POM121C: variants seen among roughly 807,000 people sequenced by gnomAD.
The protein encoded by POM121C is POM121 transmembrane nucleoporin C.
A neutral mutation model predicts 66.4 loss-of-function variants in POM121C; 20 were observed. The observed-to-expected ratio is 0.30, with a 90% CI of 0.21 to 0.44. The LOEUF (loss-of-function observed/expected upper bound fraction) is 0.44. Ranked by LOEUF, POM121C falls within the 20% of genes least tolerant of loss-of-function variation. The probability of loss-of-function intolerance (pLI) is 1.00; values close to 1 mark genes in which losing one functional copy is unlikely to be tolerated. For missense variants in POM121C, 580 were observed against 1,225.7 expected (o/e 0.47, Z 7.87); for synonymous variants, 286 against 528.0 (o/e 0.54, Z 6.28).
At chr7:75,437,919 G>C (rs1214064570) in intron 6 of POM121C, among the ~76,000 whole-genome samples, 1 of 152,172 alleles carries the variant, frequency 6.6e-6, no homozygotes, top group Non-Finnish European at 1.5e-5. Context: ...CCTATCTACA[G>C]TGACAGAAGA....
In POM121C at chr7:75,418,842, G is replaced by A. The variant is rs1236113744; in HGVS notation, c.2918C>T (p.Ala973Val). Reference protein sequence around the residue: ...SIGAGSKTPGARQRLQARRQH... With the variant: ...SIGAGSKTPGVRQRLQARRQH... ...CCTTCGGGCCTGCAGTCGCTGTCGA[G>A]CCCCTGGGGTCTTGGATCCCGCACC... is the stretch of plus-strand genomic sequence containing the variant. The change falls in exon 15 of 15, where the codon GCT becomes GTT. Residue 973 changes from alanine (A) to valine (V), a missense_variant. By Grantham distance (64) the Ala-to-Val change is moderately conservative. Coordinates refer to ENST00000615331, the MANE Select transcript of POM121C (RefSeq NM_001099415.3). 2 of 1,611,928 alleles carry A rather than the reference G, an allele frequency of 1.2e-6. No individual in the cohort carries two copies. The highest frequency in any genetic ancestry group is 1.3e-5 in the African/African-American group (1 of 74,980).
intron 3 of POM121C, chr7:75,442,185 G>T: frequency 7.6e-7 from 1 of 1,309,046 alleles, no homozygotes; most frequent in East Asian, 3.0e-5. Flanking sequence ...AGAGGAGTGG[G>T]GAGAGAGGGG....
intron 3 of POM121C, among the ~76,000 whole-genome samples, chr7:75,473,199 T>C (rs1330070715): frequency 6.6e-6 from 1 of 152,042 alleles, no homozygotes; most frequent in Non-Finnish European, 1.5e-5. Context: ...TCAAGTAAAA[T>C]ATTCAACTAG....
chr7:75,446,738 G>A (rs1191474640), intron 3 of POM121C, among the ~76,000 whole-genome samples: 1 of 152,004 alleles, frequency 6.6e-6, no homozygotes. Context: ...GGCTGGGCGC[G>A]GTGGCTCACG....
At chr7:75,430,915 A>G (rs1790146061) in intron 7 of POM121C, among the ~76,000 whole-genome samples, 1 of 151,838 alleles carries the variant, frequency 6.6e-6, no homozygotes, top group South Asian at 2.1e-4. Context: ...TCTTTACTAA[A>G]AATACAAAAA....
chr7:75,467,351 G>A (rs1554477996), intron 3 of POM121C, among the ~76,000 whole-genome samples: 2 of 150,724 alleles, frequency 1.3e-5, no homozygotes, highest in African/African-American at 2.5e-5. Flanking sequence ...CTAACACAGT[G>A]AAACCCCATC....
At chr7:75,450,604 C>G (rs1238982718) in intron 3 of POM121C, among the ~76,000 whole-genome samples, 4 of 152,180 alleles carry the variant, frequency 2.6e-5, no homozygotes, top group African/African-American at 9.7e-5. Context: ...TCCTAGTATT[C>G]AAGGAAATCT....
At chr7:75,477,048 C>G (rs1253466469) in intron 1 of POM121C, among the ~76,000 whole-genome samples, 1 of 151,068 alleles carries the variant, frequency 6.6e-6, no homozygotes, top group African/African-American at 2.4e-5. Context: ...TGCCATAGTA[C>G]GTATGATATG....
At chr7:75,452,158 C>T (rs1465959477) in intron 3 of POM121C, among the ~76,000 whole-genome samples, 4 of 150,550 alleles carry the variant, frequency 2.7e-5, no homozygotes, top group East Asian at 2.0e-4. Context: ...AGTGAGACTC[C>T]GCCTCAAAAA....
At chr7:75,465,963 T>C (rs1156798679) in intron 3 of POM121C, among the ~76,000 whole-genome samples, 1 of 56,572 alleles carries the variant, frequency 1.8e-5, no homozygotes, top group Middle Eastern at 0.013. Context: ...AAATAAAACA[T>C]ATAAAAACCT....
rs1489868739 is a variant in POM121C, at chr7:75,421,554, CA to C, written c.2697del (p.Phe899LeufsTer103). 6.2e-7 allele frequency: 1 copy of C among 1,612,024 alleles called. No homozygotes were observed. The highest frequency in any genetic ancestry group is 1.3e-5 in the African/African-American group (1 of 74,720). ...ALGTTGQSTP[F>X]AFNVGSTTES... ...TCAGTTGTGCTGCCCACGTTGAAGG[CA>C]AACGGTGTGCTCTGGCCGGTGGTGC... On this transcript the variant is annotated frameshift_variant, in exon 13 of 15. Transcript: ENST00000615331. LOFTEE classifies it high-confidence loss of function.
chr7:75,442,190 G>C, intron 3 of POM121C: 4 of 1,303,440 alleles, frequency 3.1e-6, no homozygotes, highest in Admixed American at 3.7e-5. Context: ...AGTGGGGAGA[G>C]AGGGGTAAAA....
intron 3 of POM121C, among the ~76,000 whole-genome samples, chr7:75,473,782 G>A (rs1330297801): frequency 4.0e-4 from 60 of 151,108 alleles, no homozygotes; most frequent in Admixed American, 5.3e-4. Context: ...TCCGCCTCCC[G>A]TGTTCACGCC....
At chr7:75,479,956 T>C (rs1446669095) in intron 1 of POM121C, among the ~76,000 whole-genome samples, 2 of 150,970 alleles carry the variant, frequency 1.3e-5, no homozygotes, top group Non-Finnish European at 3.0e-5. Context: ...AACAGAGACA[T>C]TTTAAAAAGA....
chr7:75,439,615 G>C (rs1323250692), intron 5 of POM121C, among the ~76,000 whole-genome samples: 8 of 151,962 alleles, frequency 5.3e-5, no homozygotes, highest in African/African-American at 1.7e-4. Context: ...TGAGCTCCTG[G>C]GTTCCAGCGA....
chr7:75,454,045 C>T (rs1159054239), intron 3 of POM121C, among the ~76,000 whole-genome samples: 4 of 152,230 alleles, frequency 2.6e-5, no homozygotes, highest in African/African-American at 7.2e-5. Flanking sequence ...TATCTCATAG[C>T]GTCGCTTCTG....
intron 5 of POM121C, chr7:75,440,681 T>C (rs1243378204): frequency 3.8e-5 from 20 of 527,878 alleles, no homozygotes; most frequent in Middle Eastern, 4.9e-4. Context: ...TTTTAACACG[T>C]TTCTACAGAA....
chr7:75,474,560 T>G (rs1362933130), intron 3 of POM121C, 144 bp downstream of exon 3: 2 of 412,046 alleles, frequency 4.9e-6, no homozygotes, highest in East Asian at 5.0e-5. Flanking sequence ...AACAAAAGAG[T>G]TCATGTATGT....
rs1237592151 is a variant in POM121C at position 75,418,733 on chromosome 7, C to A, written c.*63G>T. On this transcript the variant is annotated 3_prime_UTR_variant, in exon 15 of 15. Coordinates refer to ENST00000615331, the MANE Select transcript of POM121C (RefSeq NM_001099415.3). Reference sequence around the variant, plus strand: ...CAGCTGGAAGGGTCCAAGGCTCTTTCTAGCACGTGCCAAGGTCCAGATTTA... The same window carrying A: ...CAGCTGGAAGGGTCCAAGGCTCTTTATAGCACGTGCCAAGGTCCAGATTTA... 1 of 1,538,060 alleles carries A rather than the reference C, an allele frequency of 6.5e-7. No homozygotes were observed. The highest frequency in any genetic ancestry group is 8.7e-7 in the Non-Finnish European group (1 of 1,145,578).
Sources: gnomAD v4.1 joint callset for allele counts (sites outside exome capture counted in the v4.1 genomes callset) on GRCh38, gnomAD v4.1.1 for gene constraint, MANE v1.5 for transcripts, NCBI Gene and HGNC (gene_info 2026-07-23, HGNC 2026-07-21) for gene names.